The following LRRC8D variants were observed in gnomAD, a reference collection of about 807,000 sequenced individuals.
LRRC8D encodes the protein volume-regulated anion channel subunit LRRC8D.
Under a neutral mutation model 55.8 loss-of-function variants are expected in LRRC8D, and 20 were observed. That is an observed-to-expected ratio of 0.36 (90% CI 0.25 to 0.52). LRRC8D has a LOEUF of 0.52. Ranked by LOEUF, LRRC8D falls within the 20% of genes least tolerant of loss-of-function variation. LRRC8D has a pLI of 0.93. For synonymous variants in LRRC8D, 352 were observed against 377.0 expected (o/e 0.93, Z 0.77); for missense variants, 651 against 1,030.8 (o/e 0.63, Z 5.05).
intron 2 of LRRC8D, among the ~76,000 whole-genome samples, chr1:89,860,785 A>AAAAAAATATATATATATATATAT (rs1553123917): frequency 3.5e-5 from 1 of 28,180 alleles, no homozygotes; most frequent in African/African-American, 1.0e-4. Flanking sequence ...AAAAAAAAAA[A>AAAAAAATATATATATATATATAT]ATATATATAT....
intron 2 of LRRC8D, among the ~76,000 whole-genome samples, chr1:89,851,579 G>A (rs1391094137): frequency 1.3e-5 from 2 of 150,940 alleles, no homozygotes; most frequent in Non-Finnish European, 2.9e-5. Flanking sequence ...GCACAATCTC[G>A]GCTCACTGCA....
chr1:89,862,891 C>T (rs906899864), intron 2 of LRRC8D, among the ~76,000 whole-genome samples: 27 of 152,156 alleles, frequency 1.8e-4, no homozygotes, highest in African/African-American at 6.5e-4. Context: ...AGGGTGTTTT[C>T]TCCCGTGATT....
At chr1:89,915,036 G>GTGTC (rs1017572021) in intron 2 of LRRC8D, among the ~76,000 whole-genome samples, 7 of 151,678 alleles carry the variant, frequency 4.6e-5, no homozygotes, top group Admixed American at 4.6e-4. Context: ...GTGTGTGTGT[G>GTGTC]TGTGTGTGTG....
At chr1:89,875,757 A>G (rs1662132207) in intron 2 of LRRC8D, among the ~76,000 whole-genome samples, 1 of 152,204 alleles carries the variant, frequency 6.6e-6, no homozygotes, top group South Asian at 2.1e-4. Flanking sequence ...CTCTATGCCA[A>G]GCAGTGTTCT....
chr1:89,843,334 TGTG>T (rs1266730385), intron 1 of LRRC8D: 1 of 224,846 alleles, frequency 4.4e-6, no homozygotes, highest in Non-Finnish European at 8.6e-6. Context: ...TCTAGGTACT[TGTG>T]GGGAGGGGAG....
intron 1 of LRRC8D, among the ~76,000 whole-genome samples, chr1:89,840,459 T>G (rs1471159071): frequency 1.3e-5 from 2 of 152,202 alleles, no homozygotes; most frequent in Non-Finnish European, 2.9e-5. Context: ...GAGGAGGGTT[T>G]GGGTTTATAG....
At chr1:89,929,298 T>A (rs1663642777) in intron 2 of LRRC8D, among the ~76,000 whole-genome samples, 1 of 150,932 alleles carries the variant, frequency 6.6e-6, no homozygotes, top group Non-Finnish European at 1.5e-5. Flanking sequence ...TGAAGAGGAG[T>A]AGGGAGGAAG....
chr1:89,890,968 G>A (rs992489495), intron 2 of LRRC8D, among the ~76,000 whole-genome samples: 19 of 152,072 alleles, frequency 1.2e-4, no homozygotes, highest in African/African-American at 4.3e-4. Context: ...TGCAAGCTCC[G>A]CCTCCCGGGT....
intron 2 of LRRC8D, among the ~76,000 whole-genome samples, chr1:89,855,595 G>C (rs184014446): frequency 1.3e-5 from 2 of 152,252 alleles, no homozygotes; most frequent in African/African-American, 4.8e-5. Flanking sequence ...AAGAAACAGG[G>C]TGTAACAGTT....
At chr1:89,922,637 G>T (rs1158816594) in intron 2 of LRRC8D, among the ~76,000 whole-genome samples, 1 of 152,170 alleles carries the variant, frequency 6.6e-6, no homozygotes, top group Non-Finnish European at 1.5e-5. Context: ...ACGTTACACT[G>T]TGAGGTGGTT....
intron 2 of LRRC8D, among the ~76,000 whole-genome samples, chr1:89,907,247 A>C (rs1663020401): frequency 7.9e-6 from 1 of 127,214 alleles, no homozygotes; most frequent in South Asian, 2.6e-4. Context: ...GCTGGAGTGC[A>C]GTGGTGTGAT....
At chr1:89,851,116 C>A (rs1661406332) in intron 2 of LRRC8D, among the ~76,000 whole-genome samples, 1 of 150,088 alleles carries the variant, frequency 6.7e-6, no homozygotes. Context: ...GCAGTTATGG[C>A]TCCCTTTCAT....
chr1:89,843,727 C>T lies in LRRC8D; in HGVS notation c.-58C>T, dbSNP rs765144697. ...CCGTGGTTCCAGCCTCCGGAGCTCG[C>T]CCAAGCCGCGTCCCCAGAGAGCGCC... On this transcript the variant is annotated 5_prime_UTR_variant, in exon 2 of 3. Transcript: ENST00000337338. 106 of 701,652 alleles carry T rather than the reference C, an allele frequency of 1.5e-4. No homozygotes were observed. The highest frequency in any genetic ancestry group is 1.5e-4 in the Non-Finnish European group (57 of 384,538). The allele number at this position is 701,652 out of a possible 1,614,324, so 43.5% of individuals were successfully genotyped here. A position where few individuals can be genotyped will look rare whatever the true frequency, so the allele number is the denominator to read the frequency against.
chr1:89,935,763 CAG>C lies in LRRC8D; in HGVS notation c.*123_*124del, dbSNP rs755311494. The stretch of plus-strand genomic sequence containing the variant: ...AGTAGATACATCTTTTAAAATAAAA[CAG>C]AGAGGATGCATAGAAGGCTGATAGA... On this transcript the variant is annotated 3_prime_UTR_variant, in exon 3 of 3. Coordinates refer to ENST00000337338, the MANE Select transcript of LRRC8D (RefSeq NM_001134479.2). 1.7e-5 allele frequency: 15 copies of C among 862,592 alleles called. No homozygotes were observed. The highest frequency in any genetic ancestry group is 7.8e-5 in the East Asian group (3 of 38,308). 53.4% of individuals were successfully genotyped at this position (862,592 alleles called of 1,614,324 possible).
At chr1:89,840,202 T>G (rs1661098397) in intron 1 of LRRC8D, among the ~76,000 whole-genome samples, 1 of 150,674 alleles carries the variant, frequency 6.6e-6, no homozygotes, top group African/African-American at 2.5e-5. Context: ...TATATATACA[T>G]ACACGTGCAC....
At chr1:89,846,447 G>A (rs901021676) in intron 2 of LRRC8D, 1 of 152,028 alleles carries the variant, frequency 6.6e-6, no homozygotes, top group Non-Finnish European at 1.5e-5. Flanking sequence ...CTTGTCAGTG[G>A]TCGTATTAGT....
At chr1:89,926,679 C>T (rs1232144551) in intron 2 of LRRC8D, among the ~76,000 whole-genome samples, 1 of 152,166 alleles carries the variant, frequency 6.6e-6, no homozygotes, top group Non-Finnish European at 1.5e-5. Flanking sequence ...TTTTGAGCCT[C>T]AGGTTTCCTC....
In LRRC8D at chr1:89,934,181, C is replaced by A. The variant is rs773700334; in HGVS notation, c.1113C>A (p.Ser371=). ...MLKKLLISYI[S]IICVYGFICL... is the part of the protein sequence containing the mutation. ...AAAAGCTTCTCATCAGTTACATATC[C>A]ATTATTTGTGTTTATGGCTTTATCT... The change falls in exon 3 of 3, where the codon TCC becomes TCA. Residue 371 remains serine (S), a synonymous_variant. Coordinates refer to ENST00000337338, the MANE Select transcript of LRRC8D (RefSeq NM_001134479.2). The surrounding 1 kb of genome is among the most constrained non-coding windows in gnomAD (Gnocchi z 5.9). The A allele has an allele frequency of 1.2e-6, 2 of 1,614,040 alleles. No individual in the cohort carries two copies. Among genetic ancestry groups the A allele is most frequent in the Non-Finnish European group, 1.7e-6 (2 of 1,179,976 alleles).
Position 89,935,682 on chromosome 1 carries a change from A to G in LRRC8D, c.*37A>G. On this transcript the variant is annotated 3_prime_UTR_variant, in exon 3 of 3. Transcript: ENST00000337338. ...ATATGCACAGTGATGTGCAGGAACAACTTCCTAGATTGCAAGTGCTCACGT... is the reference window on the plus strand; with the variant it reads ...ATATGCACAGTGATGTGCAGGAACAGCTTCCTAGATTGCAAGTGCTCACGT... 6.4e-7 allele frequency: 1 copy of G among 1,574,322 alleles called. No homozygotes were observed. Among genetic ancestry groups the G allele is most frequent in the Non-Finnish European group, 8.7e-7 (1 of 1,151,288 alleles).
Sources: allele counts gnomAD v4.1 joint callset (sites outside exome capture counted in the v4.1 genomes callset), GRCh38; gene constraint gnomAD v4.1.1; non-coding constraint Gnocchi (gnomAD v3.1); transcripts MANE v1.5; gene names NCBI Gene and HGNC (gene_info 2026-07-23, HGNC 2026-07-21).